Variants in RREB1 observed in about 807,000 individuals in gnomAD.
RREB1 encodes ras responsive element binding protein 1, also known as ras-responsive element-binding protein 1.
A neutral mutation model predicts 117.8 loss-of-function variants in RREB1; 27 were observed. The ratio of observed to expected loss-of-function variants is 0.23; its 90% CI spans 0.17 to 0.32. RREB1 has a LOEUF of 0.32. Among genes scored for constraint, RREB1 ranks in the 10% least tolerant of loss-of-function variants. The pLI is 1.00. For synonymous variants in RREB1, 1,298 were observed against 1,026.7 expected, an observed-to-expected ratio of 1.26 and a Z score of -5.05; for missense variants, 2,577 against 2,378.2, an observed-to-expected ratio of 1.08 and a Z score of -1.74.
In RREB1 at chr6:7,231,312, C is replaced by A. The variant is rs1444206337; in HGVS notation, c.3213C>A (p.Ile1071=). 8 of 1,608,644 alleles carry A rather than the reference C, an allele frequency of 5.0e-6. No individual in the cohort carries two copies. In the Admixed American group the frequency reaches 1.0e-4, roughly 20 times the overall value. Residue 1071 remains isoleucine (I), a synonymous_variant, in exon 10 of 13, where the codon ATC becomes ATA. Coordinates refer to ENST00000379938, the MANE Select transcript of RREB1 (RefSeq NM_001003699.4). ...ELPPLASIAQ[I]ISSVSSAPTL... ...CCCCGCTGGCCTCCATTGCCCAGAT[C>A]ATCTCATCTGTATCCTCGGCCCCCA...
intron 9 of RREB1, 42 bp downstream of exon 9, chr6:7,226,698 C>A: frequency 6.7e-7 from 1 of 1,492,478 alleles, no homozygotes; most frequent in South Asian, 1.2e-5. Flanking sequence ...AACTGCCTTC[C>A]ATGGTCCACA....
intron 1 of RREB1, among the ~76,000 whole-genome samples, chr6:7,162,560 C>T (rs1763722666): frequency 6.6e-6 from 1 of 152,132 alleles, no homozygotes; most frequent in Admixed American, 6.5e-5. Flanking sequence ...TGTCTTACAG[C>T]TCTTGGTGGT....
rs116672033 is a variant in RREB1, at chr6:7,229,741, A to C, written c.1642A>C (p.Lys548Gln). The C allele has an allele frequency of 6.6e-4, 1,051 of 1,601,382 alleles. 15 individuals carry two copies. In the East Asian group the frequency reaches 0.022, roughly 33 times the overall value. ...ISPSLPPPPL[K>Q]LLKGSVEAAS... is the part of the protein sequence containing the mutation. ...CCCCAGCCTGCCGCCACCGCCCCTG[A>C]AGCTCCTCAAAGGCTCAGTGGAGGC... The change falls in exon 10 of 13, where the codon AAG (lysine) becomes CAG (glutamine). Residue 548 changes from lysine to glutamine, a missense_variant. Physicochemically the swap from Lys to Gln is moderately conservative, Grantham distance 53. Transcript: ENST00000379938. This position sits in a 1 kb window ranked among gnomAD's most constrained non-coding sequence, Gnocchi z 4.5.
chr6:7,148,991 C>T (rs541633912), intron 1 of RREB1, among the ~76,000 whole-genome samples: 4 of 152,236 alleles, frequency 2.6e-5, no homozygotes, highest in East Asian at 3.9e-4. Context: ...GGCATGATTT[C>T]GGCTCACTGC....
intron 1 of RREB1, among the ~76,000 whole-genome samples, chr6:7,160,663 C>T (rs1038272886): frequency 6.6e-6 from 1 of 151,992 alleles, no homozygotes; most frequent in African/African-American, 2.4e-5. Flanking sequence ...GCGCACAACA[C>T]CACACCTGGA....
chr6:7,116,504 G>C (rs1471871482), intron 1 of RREB1, among the ~76,000 whole-genome samples: 1 of 152,132 alleles, frequency 6.6e-6, no homozygotes, highest in Non-Finnish European at 1.5e-5. Context: ...CCCATCTCCT[G>C]CACCTAGAAC....
rs756175177 is a variant in RREB1, at chr6:7,240,421, T to A, written c.3809-17T>A. The stretch of plus-strand genomic sequence containing the variant: ...AGTAGAAAGCCAGATAAATATATAT[T>A]TTTTTTCCTGCTTCAGGTCAGAAAC... On this transcript the variant is annotated splice_polypyrimidine_tract_variant and intron_variant, in intron 10 of 12. Transcript: ENST00000379938. The A allele has an allele frequency of 2.3e-5, 37 of 1,598,408 alleles. No individual in the cohort carries two copies. Among genetic ancestry groups the A allele is most frequent in the Middle Eastern group, 3.3e-4 (2 of 5,990 alleles).
intron 8 of RREB1, among the ~76,000 whole-genome samples, chr6:7,219,705 A>G (rs1767125197): frequency 6.6e-6 from 1 of 152,154 alleles, no homozygotes; most frequent in African/African-American, 2.4e-5. Flanking sequence ...GTAGTCACTG[A>G]CAACCACAGG....
In RREB1 at chr6:7,240,419, A is replaced by G. The variant is rs752738732; in HGVS notation, c.3809-19A>G. The stretch of plus-strand genomic sequence containing the variant: ...GCAGTAGAAAGCCAGATAAATATAT[A>G]TTTTTTTTCCTGCTTCAGGTCAGAA... On this transcript the variant is annotated intron_variant, in intron 10 of 12. Coordinates refer to ENST00000379938, the MANE Select transcript of RREB1 (RefSeq NM_001003699.4). 1.9e-6 allele frequency: 3 copies of G among 1,593,960 alleles called. No individual in the cohort carries two copies. The highest frequency in any genetic ancestry group is 2.6e-6 in the Non-Finnish European group (3 of 1,167,610).
chr6:7,230,680 G>A lies in RREB1; in HGVS notation c.2581G>A (p.Ala861Thr). ...AALGDCKPLT[A>T]FLEPQNGFLH... is the part of the protein sequence containing the mutation. ...CCTTGGTGACTGCAAGCCCCTCACT[G>A]CCTTCCTGGAACCCCAGAACGGCTT... is the stretch of plus-strand genomic sequence containing the variant. Residue 861 changes from alanine (A) to threonine (T), a missense_variant, in exon 10 of 13, where the codon GCC (alanine) becomes ACC (threonine). Transcript: ENST00000379938. 1.3e-6 allele frequency: 2 copies of A among 1,593,822 alleles called. No individual in the cohort carries two copies.
Position 7,229,606 on chromosome 6 carries a change from C to T in RREB1, c.1507C>T (p.His503Tyr), listed in dbSNP as rs760713977. 1 of 1,612,552 alleles carries T rather than the reference C, an allele frequency of 6.2e-7. No individual in the cohort carries two copies. Residue 503 changes from histidine (H) to tyrosine (Y), a missense_variant, in exon 10 of 13, where the codon CAC (histidine) becomes TAC (tyrosine). Physicochemically the swap from His to Tyr is moderately conservative, Grantham distance 83 (BLOSUM62 2). Coordinates refer to ENST00000379938, the MANE Select transcript of RREB1 (RefSeq NM_001003699.4). The surrounding 1 kb of genome is among the most constrained non-coding windows in gnomAD (Gnocchi z 4.5). ...CGCCCCACTGCAGGCGATCTTCAAG[C>T]ACATGCCCCCTCTGAAGCCAAAGCC... ...PAAPLQAIFKHMPPLKPKPLV... is the reference protein window; with the variant it reads ...PAAPLQAIFKYMPPLKPKPLV...
chr6:7,196,054 C>T (rs1390257535), intron 6 of RREB1, among the ~76,000 whole-genome samples: 1 of 152,178 alleles, frequency 6.6e-6, no homozygotes, highest in Non-Finnish European at 1.5e-5. Flanking sequence ...CTTCCCCCTC[C>T]TCCTGCTCAC....
intron 6 of RREB1, among the ~76,000 whole-genome samples, chr6:7,193,966 C>T (rs1765541602): frequency 1.3e-5 from 2 of 152,164 alleles, no homozygotes; most frequent in Admixed American, 1.3e-4. Flanking sequence ...AAAAAGCACT[C>T]TTTCACTCTT....
intron 6 of RREB1, among the ~76,000 whole-genome samples, chr6:7,195,959 G>A (rs1765643790): frequency 6.6e-6 from 1 of 152,238 alleles, no homozygotes; most frequent in South Asian, 2.1e-4. Context: ...GATTTCTGGA[G>A]TTTCATTTCT....
At chr6:7,247,488 C>T (rs1332619061) in intron 12 of RREB1, among the ~76,000 whole-genome samples, 2 of 152,170 alleles carry the variant, frequency 1.3e-5, no homozygotes, top group Non-Finnish European at 1.5e-5. Context: ...GCTCTGCTGC[C>T]TCCGCCTCCC....
intron 11 of RREB1, among the ~76,000 whole-genome samples, chr6:7,243,118 T>C (rs1270664011): frequency 6.6e-6 from 1 of 152,222 alleles, no homozygotes; most frequent in Non-Finnish European, 1.5e-5. Flanking sequence ...GTCCCACATG[T>C]CAGCATGGAC....
intron 1 of RREB1, among the ~76,000 whole-genome samples, chr6:7,124,713 A>G (rs1189169057): frequency 6.6e-6 from 1 of 152,234 alleles, no homozygotes; most frequent in Non-Finnish European, 1.5e-5. Flanking sequence ...AAGATCTAAC[A>G]TTTATTGAGC....
At chr6:7,169,146 G>A (rs529561451) in intron 1 of RREB1, among the ~76,000 whole-genome samples, 5 of 152,346 alleles carry the variant, frequency 3.3e-5, no homozygotes, top group African/African-American at 1.2e-4. Context: ...ACCAAGGTGT[G>A]TTGTGGAGGC....
chr6:7,192,214 A>G (rs537783522), intron 6 of RREB1, among the ~76,000 whole-genome samples: 3 of 129,522 alleles, frequency 2.3e-5, no homozygotes, highest in Non-Finnish European at 4.7e-5. Flanking sequence ...TTTTTTTGAG[A>G]TAGAGTCTCA....
Sources: gnomAD v4.1 joint callset for allele counts (sites outside exome capture counted in the v4.1 genomes callset) on GRCh38, gnomAD v4.1.1 for gene constraint, Gnocchi (gnomAD v3.1) non-coding constraint, MANE v1.5 for transcripts, NCBI Gene and HGNC (gene_info 2026-07-23, HGNC 2026-07-21) for gene names.